OAS2: variants seen among roughly 807,000 people sequenced by gnomAD.
The protein encoded by OAS2 is 2'-5'-oligoadenylate synthase 2.
In OAS2, 67 loss-of-function variants were observed where a neutral mutation model predicts 71.3. The observed-to-expected ratio is 0.94, with a 90% CI of 0.77 to 1.15. OAS2 has a LOEUF of 1.15. OAS2 is among the 50% of genes most tolerant of loss of function. The probability of loss-of-function intolerance (pLI) is 0.00; values close to 1 mark genes in which losing one functional copy is unlikely to be tolerated. For synonymous variants in OAS2, 327 were observed against 321.8 expected, an observed-to-expected ratio of 1.02 and a Z score of -0.17; for missense variants, 789 against 822.5, an observed-to-expected ratio of 0.96 and a Z score of 0.50.
chr12:113,009,020 G>T, intron 9 of OAS2, 67 bp from the exon 10 acceptor site: 1 of 1,562,720 alleles, frequency 6.4e-7, no homozygotes, highest in Non-Finnish European at 8.6e-7. Context: ...AGTATTATAG[G>T]ATGGACCCCA....
At chr12:113,005,515 C>T (rs566963635) in intron 7 of OAS2, among the ~76,000 whole-genome samples, 1 of 151,744 alleles carries the variant, frequency 6.6e-6, no homozygotes, top group South Asian at 2.1e-4. Context: ...CCACTGCACT[C>T]CAGCCTGGGT....
intron 3 of OAS2, 49 bp downstream of exon 3, chr12:112,995,523 C>T (rs768761124): frequency 4.6e-6 from 7 of 1,531,192 alleles, no homozygotes; most frequent in South Asian, 2.4e-5. Context: ...TCCTTTTTAT[C>T]GAGATAATTG....
intron 2 of OAS2, chr12:112,988,356 A>G: frequency 2.3e-6 from 1 of 430,860 alleles, no homozygotes; most frequent in Non-Finnish European, 3.1e-6. Flanking sequence ...TGGTGGAAGA[A>G]GATTTATGGA....
chr12:113,006,400 TCC>T lies in OAS2; in HGVS notation c.1469-11_1469-10del. 1 of 1,527,314 alleles carries T rather than the reference TCC, an allele frequency of 6.5e-7. No homozygotes were observed. The highest frequency in any genetic ancestry group is 8.9e-7 in the Non-Finnish European group (1 of 1,124,904). 94.6% of individuals were successfully genotyped at this position (1,527,314 alleles called of 1,614,324 possible). A position where few individuals can be genotyped will look rare whatever the true frequency, so the allele number is the denominator to read the frequency against. On this transcript the variant is annotated splice_polypyrimidine_tract_variant and intron_variant, in intron 7 of 9. Transcript: ENST00000392583. ...TGTATTAAAGCAGGATGTCAATCTC[TCC>T]CTCATGCCAGGTCAGCTGAGTTCTG... is the stretch of plus-strand genomic sequence containing the variant.
At position 113,010,946 on chromosome 12, in the gene OAS2, G is replaced by T. The variant is rs1437436507; in HGVS notation, c.*1691G>T. ...GACACAGACATCCTCTATGCCAGCA[G>T]CCAGCCAACCCTTTCATTAGAACTT... On this transcript the variant is annotated 3_prime_UTR_variant, in exon 10 of 10. Transcript: ENST00000392583. The T allele has an allele frequency of 6.5e-6, 1 of 152,696 alleles. No individual in the cohort carries two copies. The highest frequency in any genetic ancestry group is 2.4e-5 in the African/African-American group (1 of 41,386). The allele number at this position is 152,696 out of a possible 1,614,324, so 9.5% of individuals were successfully genotyped here.
At chr12:112,988,426 T>TTA in intron 2 of OAS2, 1 of 309,670 alleles carries the variant, frequency 3.2e-6, no homozygotes, top group Non-Finnish European at 4.7e-6. Context: ...GCCAGACTGG[T>TTA]TATAGCTCAG....
intron 1 of OAS2, 151 bp from the exon 2 acceptor site, chr12:112,986,887 C>T: frequency 1.0e-6 from 1 of 1,001,804 alleles, no homozygotes; most frequent in South Asian, 1.7e-5. Flanking sequence ...ATGAGCATCC[C>T]AATCAGGTCT....
chr12:112,985,500 G>T (rs2044126435), intron 1 of OAS2, among the ~76,000 whole-genome samples: 1 of 152,000 alleles, frequency 6.6e-6, no homozygotes, highest in South Asian at 2.1e-4. Flanking sequence ...AATTCTCTTT[G>T]GTTCTTTTTA....
At position 112,995,316 on chromosome 12, in the gene OAS2, C is replaced by A. The variant is rs754029843; in HGVS notation, c.469C>A (p.Pro157Thr). ...ATCAGGCTTAAATGATAATCCCAGCCCCTGGATCTATCGAGAGCTCAAAAG... is the reference window on the plus strand; with the variant it reads ...ATCAGGCTTAAATGATAATCCCAGCACCTGGATCTATCGAGAGCTCAAAAG... ...NALSLNDNPS[P>T]WIYRELKRSL... The change falls in exon 3 of 10, where the codon CCC (proline) becomes ACC (threonine). Residue 157 changes from proline to threonine, a missense_variant. Pro to Thr is a conservative substitution (Grantham distance 38). Coordinates refer to ENST00000392583, the MANE Select transcript of OAS2 (RefSeq NM_002535.3). The A allele has an allele frequency of 1.2e-6, 2 of 1,612,134 alleles. No individual in the cohort carries two copies. The highest frequency in any genetic ancestry group is 1.1e-5 in the South Asian group (1 of 90,520).
chr12:112,988,591 G>A, intron 2 of OAS2: 1 of 984,662 alleles, frequency 1.0e-6, no homozygotes, highest in South Asian at 4.7e-5. Flanking sequence ...CTTAAAATAT[G>A]TAAGGAGGCA....
In OAS2 at chr12:112,978,551, G is replaced by A; in HGVS notation, c.-58G>A. The A allele has an allele frequency of 6.3e-7, 1 of 1,586,488 alleles. No individual in the cohort carries two copies. Among genetic ancestry groups the A allele is most frequent in the Admixed American group, 1.7e-5 (1 of 58,980 alleles). On this transcript the variant is annotated 5_prime_UTR_variant, in exon 1 of 10. Coordinates refer to ENST00000392583, the MANE Select transcript of OAS2 (RefSeq NM_002535.3). The surrounding 1 kb of genome is among the most constrained non-coding windows in gnomAD (Gnocchi z 4.2). ...GTTTCCTGGCTCTGGGCAGCAGCAA[G>A]AATTCCTCTGCCTCCCATCCTACCA...
chr12:113,006,350 G>A lies in OAS2; in HGVS notation c.1469-63G>A, dbSNP rs2044334613. On this transcript the variant is annotated intron_variant, in intron 7 of 9. Transcript: ENST00000392583. ...GAATTAAATCATATTTGTCAAAAATGTTTTGGAATCTGTTACTTACTATGT... is the reference window on the plus strand; with the variant it reads ...GAATTAAATCATATTTGTCAAAAATATTTTGGAATCTGTTACTTACTATGT... 15 of 1,333,104 alleles carry A rather than the reference G, an allele frequency of 1.1e-5. No homozygotes were observed. In the South Asian group the frequency reaches 2.0e-4, roughly 18 times the overall value. The allele number at this position is 1,333,104 out of a possible 1,614,324, so 82.6% of individuals were successfully genotyped here.
chr12:113,010,630 A>G lies in OAS2; in HGVS notation c.*1375A>G. On this transcript the variant is annotated 3_prime_UTR_variant, in exon 10 of 10. Coordinates refer to ENST00000392583, the MANE Select transcript of OAS2 (RefSeq NM_002535.3). The stretch of plus-strand genomic sequence containing the variant: ...ATCAAGACTGCAAACCCTTTCATAA[A>G]GTCTTGCCTTGCTGAACTCCCTCTC... 1 of 1,260,142 alleles carries G rather than the reference A, an allele frequency of 7.9e-7. No individual in the cohort carries two copies. Among genetic ancestry groups the G allele is most frequent in the South Asian group, 2.1e-5 (1 of 46,596 alleles). The allele number at this position is 1,260,142 out of a possible 1,614,324, so 78.1% of individuals were successfully genotyped here.
At chr12:112,986,965 A>G in intron 1 of OAS2, 73 bp from the exon 2 acceptor site, 1 of 1,525,936 alleles carries the variant, frequency 6.6e-7, no homozygotes, top group Non-Finnish European at 8.8e-7. Context: ...GAGTTGAGAA[A>G]TACCACTGCC....
At position 112,993,751 on chromosome 12, in the gene OAS2, C is replaced by G. The variant is rs192044284; in HGVS notation, c.449-1545C>G. 8.6e-5 allele frequency among the ~76,000 whole-genome samples: 13 copies of G among 152,026 alleles called. No homozygotes were observed. The East Asian group carries it at 2.3e-3, about 27-fold the overall frequency. On this transcript the variant is annotated intron_variant, in intron 2 of 9. Transcript: ENST00000392583. ...AAACATGGTGGCACACGCCTGTGGT[C>G]CCAGGTACTCAGAAGGCTGAGGCAG...
Position 112,978,645 on chromosome 12 carries a change from G to A in OAS2, c.37G>A (p.Ala13Thr), listed in dbSNP as rs146990827. ...NGESQLSSVP[A>T]QKLGWFIQEY... ...GGAGTCCCAGCTGTCCTCGGTGCCTGCTCAGAAGCTGGGTTGGTTTATCCA... is the reference window on the plus strand; with the variant it reads ...GGAGTCCCAGCTGTCCTCGGTGCCTACTCAGAAGCTGGGTTGGTTTATCCA... The change falls in exon 1 of 10, where the codon GCT becomes ACT. Residue 13 changes from alanine to threonine, a missense_variant. By Grantham distance (58) the Ala-to-Thr change is moderately conservative. Transcript: ENST00000392583. This position sits in a 1 kb window ranked among gnomAD's most constrained non-coding sequence, Gnocchi z 4.2. 3.5e-4 allele frequency: 558 copies of A among 1,614,138 alleles called. 1 individual carries two copies. Among genetic ancestry groups the A allele is most frequent in the Non-Finnish European group, 4.1e-4 (488 of 1,180,006 alleles).
chr12:112,986,698 C>T (rs1237286435), intron 1 of OAS2, among the ~76,000 whole-genome samples: 1 of 151,678 alleles, frequency 6.6e-6, no homozygotes, highest in African/African-American at 2.4e-5. Flanking sequence ...GACAGTTTTA[C>T]CCCCATTCCC....
At chr12:113,000,412 T>C (rs1433141168) in intron 5 of OAS2, among the ~76,000 whole-genome samples, 2 of 152,046 alleles carry the variant, frequency 1.3e-5, no homozygotes, top group African/African-American at 2.4e-5. Flanking sequence ...TCTCTGCAGT[T>C]GTTGAAGAAA....
intron 2 of OAS2, 160 bp downstream of exon 2, chr12:112,987,468 G>C (rs546997674): frequency 2.1e-6 from 3 of 1,447,318 alleles, no homozygotes; most frequent in Admixed American, 5.7e-5. Context: ...CCCTGGACTC[G>C]CTCTCTTCTC....
Sources: gnomAD v4.1 joint callset for allele counts (sites outside exome capture counted in the v4.1 genomes callset) on GRCh38, gnomAD v4.1.1 for gene constraint, Gnocchi (gnomAD v3.1) non-coding constraint, MANE v1.5 for transcripts, NCBI Gene and HGNC (gene_info 2026-07-23, HGNC 2026-07-21) for gene names.